DCDC1: variants seen among roughly 807,000 people sequenced by gnomAD.
The protein encoded by DCDC1 is doublecortin domain containing 1.
DCDC1 carries 200 observed loss-of-function variants against 178.3 expected under a neutral mutation model. The ratio of observed to expected loss-of-function variants is 1.12; its 90% CI spans 1.00 to 1.26. The LOEUF is 1.26. Ranked by LOEUF, DCDC1 falls within the 50% of genes most tolerant of loss-of-function variation. The pLI is 0.00. For missense variants in DCDC1, 1,983 were observed against 1,749.2 expected (o/e 1.13, Z -2.38); for synonymous variants, 690 against 604.8 (o/e 1.14, Z -2.07).
intron 1 of DCDC1, among the ~76,000 whole-genome samples, chr11:31,364,313 T>C (rs1246891489): frequency 6.6e-6 from 1 of 152,060 alleles, no homozygotes; most frequent in Non-Finnish European, 1.5e-5. Flanking sequence ...TTCAGTGTAG[T>C]TGGAAAGTGC....
At chr11:30,971,258 T>C (rs1028115073) in intron 20 of DCDC1, among the ~76,000 whole-genome samples, 3 of 151,532 alleles carry the variant, frequency 2.0e-5, no homozygotes, top group Non-Finnish European at 4.4e-5. Context: ...AAAAGAACAA[T>C]CAAGAAAAGA....
intron 9 of DCDC1, among the ~76,000 whole-genome samples, chr11:31,152,745 C>CTG (rs1319435083): frequency 2.0e-5 from 3 of 152,226 alleles, no homozygotes; most frequent in Admixed American, 2.0e-4. Flanking sequence ...CAAGAGGTTA[C>CTG]TGAGTCTTCC....
At chr11:31,047,160 T>C (rs780166461) in intron 20 of DCDC1, among the ~76,000 whole-genome samples, 3 of 152,200 alleles carry the variant, frequency 2.0e-5, no homozygotes, top group Non-Finnish European at 4.4e-5. Context: ...CTGTTGTTCA[T>C]TGTCATCTTT....
At chr11:31,188,395 A>G (rs1969759860) in intron 9 of DCDC1, among the ~76,000 whole-genome samples, 1 of 152,188 alleles carries the variant, frequency 6.6e-6, no homozygotes, top group South Asian at 2.1e-4. Context: ...TCTACGCATC[A>G]GGAACTAGAG....
intron 20 of DCDC1, among the ~76,000 whole-genome samples, chr11:30,961,002 A>G (rs1338310702): frequency 6.6e-6 from 1 of 152,078 alleles, no homozygotes; most frequent in Non-Finnish European, 1.5e-5. Context: ...TCAATATTTG[A>G]TTGACAGTTA....
intron 12 of DCDC1, among the ~76,000 whole-genome samples, 194 bp from the exon 13 acceptor site, chr11:31,107,154 G>A (rs1958904840): frequency 6.6e-6 from 1 of 152,136 alleles, no homozygotes; most frequent in Non-Finnish European, 1.5e-5. Context: ...AATGAGCATG[G>A]GCTTTTAACC....
chr11:31,138,898 T>C (rs1212050484), intron 9 of DCDC1, among the ~76,000 whole-genome samples: 1 of 152,132 alleles, frequency 6.6e-6, no homozygotes, highest in Non-Finnish European at 1.5e-5. Context: ...CACAGCTAAG[T>C]ATATCAGAGA....
intron 20 of DCDC1, among the ~76,000 whole-genome samples, chr11:30,974,088 C>A (rs1160699520): frequency 6.6e-6 from 1 of 151,988 alleles, no homozygotes; most frequent in Non-Finnish European, 1.5e-5. Flanking sequence ...ACAAGAGGAA[C>A]TTTTGAAACT....
chr11:31,276,375 T>C (rs1296208494), intron 7 of DCDC1, among the ~76,000 whole-genome samples: 1 of 152,206 alleles, frequency 6.6e-6, no homozygotes, highest in Non-Finnish European at 1.5e-5. Context: ...TTTGGATTAC[T>C]AAAAATACTT....
rs1230271422 is a variant in DCDC1 at position 31,327,226 on chromosome 11, T to C, written c.164+891A>G. ...TCTTGTTACCCAGGCTGGAGTGCAA[T>C]GGCGCGATCTTGGCTCACCGCAACC... On this transcript the variant is annotated intron_variant, in intron 3 of 38. Transcript: ENST00000684477. Among the ~76,000 whole-genome samples, 3 of 152,150 alleles carry C rather than the reference T, an allele frequency of 2.0e-5. No individual in the cohort carries two copies. In the South Asian group the frequency reaches 6.2e-4, roughly 32 times the overall value.
intron 8 of DCDC1, among the ~76,000 whole-genome samples, chr11:31,250,415 C>CATATATATAT (rs753411919): frequency 4.1e-5 from 3 of 73,666 alleles, no homozygotes; most frequent in African/African-American, 1.6e-4. Context: ...CACACACACA[C>CATATATATAT]ATATACATAT....
intron 25 of DCDC1, among the ~76,000 whole-genome samples, chr11:30,918,987 T>C (rs374336737): frequency 6.6e-6 from 1 of 152,176 alleles, no homozygotes; most frequent in South Asian, 2.1e-4. Context: ...GCTTTATGCA[T>C]GTCCCTCCTT....
chr11:31,314,310 C>A (rs969867380), intron 3 of DCDC1, among the ~76,000 whole-genome samples: 2 of 152,106 alleles, frequency 1.3e-5, no homozygotes, highest in Non-Finnish European at 2.9e-5. Context: ...CTCATAAGTA[C>A]ACTTCCTTTA....
chr11:31,014,729 C>T (rs1293922378), intron 20 of DCDC1, among the ~76,000 whole-genome samples: 1 of 152,150 alleles, frequency 6.6e-6, no homozygotes, highest in South Asian at 2.1e-4. Flanking sequence ...TCATGACCAT[C>T]AGCCTATCAG....
At chr11:30,915,975 G>T (rs1945804280) in intron 26 of DCDC1, among the ~76,000 whole-genome samples, 1 of 151,986 alleles carries the variant, frequency 6.6e-6, no homozygotes, top group Admixed American at 6.5e-5. Context: ...CGTTAGCAAA[G>T]AAAAAAGAAC....
intron 1 of DCDC1, among the ~76,000 whole-genome samples, chr11:31,347,419 AG>A (rs1044657839): frequency 2.0e-5 from 3 of 152,184 alleles, no homozygotes; most frequent in Non-Finnish European, 4.4e-5. Context: ...TTCAAAGTAG[AG>A]CATACTGTCA....
intron 21 of DCDC1, among the ~76,000 whole-genome samples, chr11:30,935,291 C>A (rs1947203967): frequency 6.6e-6 from 1 of 152,146 alleles, no homozygotes; most frequent in South Asian, 2.1e-4. Context: ...CCCTACTGTA[C>A]CTTGTATCTG....
chr11:31,310,027 T>C (rs966345315), intron 3 of DCDC1, among the ~76,000 whole-genome samples: 24 of 152,176 alleles, frequency 1.6e-4, no homozygotes, highest in African/African-American at 2.4e-5. Context: ...ACTTGCATTC[T>C]TTTGGGAATG....
intron 20 of DCDC1, among the ~76,000 whole-genome samples, chr11:30,963,873 T>C (rs1175287916): frequency 2.0e-5 from 3 of 152,158 alleles, no homozygotes; most frequent in Non-Finnish European, 4.4e-5. Flanking sequence ...CTGAACATTT[T>C]ACTGCTTTTT....
Sources: allele counts gnomAD v4.1 joint callset (sites outside exome capture counted in the v4.1 genomes callset), GRCh38; gene constraint gnomAD v4.1.1; transcripts MANE v1.5; gene names NCBI Gene and HGNC (gene_info 2026-07-23, HGNC 2026-07-21).